LRPPRC: variants seen among roughly 807,000 people sequenced by gnomAD.
LRPPRC encodes leucine rich pentatricopeptide repeat containing, also known as leucine-rich PPR motif-containing protein, mitochondrial.
LRPPRC carries 120 observed loss-of-function variants against 180.3 expected under a neutral mutation model. That is an observed-to-expected ratio of 0.67 (90% CI 0.57 to 0.77). LRPPRC has a LOEUF of 0.77. Ranked by LOEUF, LRPPRC falls within the 30% of genes least tolerant of loss-of-function variation. The pLI is 0.00. For missense variants in LRPPRC, 2,012 were observed against 1,657.2 expected, an observed-to-expected ratio of 1.21 and a Z score of -3.72; for synonymous variants, 723 against 600.0, an observed-to-expected ratio of 1.21 and a Z score of -3.00.
intron 11 of LRPPRC, among the ~76,000 whole-genome samples, chr2:43,969,756 AC>A (rs1422611703): frequency 3.9e-5 from 6 of 152,128 alleles, no homozygotes; most frequent in South Asian, 4.1e-4. Flanking sequence ...TGCAGTGGCT[AC>A]GATCAAGGCT....
Position 43,894,525 on chromosome 2 carries a change from TCAAA to T in LRPPRC, c.3985+16_3985+19del. On this transcript the variant is annotated intron_variant, in intron 36 of 37. Coordinates refer to ENST00000260665, the MANE Select transcript of LRPPRC (RefSeq NM_133259.4). ...AAAGCCATTTAAATAAATAATATAG[TCAAA>T]TTAAACTTATATTACCATAGCTTTT... 1 of 1,139,210 alleles carries T rather than the reference TCAAA, an allele frequency of 8.8e-7. No homozygotes were observed. The highest frequency in any genetic ancestry group is 1.7e-5 in the Admixed American group (1 of 59,176). The allele number at this position is 1,139,210 out of a possible 1,614,324, so 70.6% of individuals were successfully genotyped here.
At chr2:43,959,182 C>T (rs1418357192) in intron 13 of LRPPRC, 1 of 716,018 alleles carries the variant, frequency 1.4e-6, no homozygotes, top group Non-Finnish European at 2.6e-6. Context: ...GATTCCTCTG[C>T]TAATGCTTCT....
intron 12 of LRPPRC, among the ~76,000 whole-genome samples, chr2:43,961,686 C>T (rs966986638): frequency 2.6e-5 from 4 of 152,172 alleles, no homozygotes; most frequent in African/African-American, 4.8e-5. Flanking sequence ...TCAGGTAGGG[C>T]GCAGTGGCTC....
chr2:43,944,148 G>T (rs1558983670), intron 22 of LRPPRC, among the ~76,000 whole-genome samples: 1 of 152,072 alleles, frequency 6.6e-6, no homozygotes, highest in Non-Finnish European at 1.5e-5. Context: ...ACATAACCCT[G>T]TATGGTCTGC....
intron 1 of LRPPRC, among the ~76,000 whole-genome samples, chr2:43,986,379 C>T (rs1674526952): frequency 6.6e-6 from 1 of 152,176 alleles, no homozygotes; most frequent in South Asian, 2.1e-4. Flanking sequence ...ATCCGCCCAC[C>T]TTGGCCTCCC....
chr2:43,920,142 T>C (rs930797757), intron 27 of LRPPRC, among the ~76,000 whole-genome samples: 1 of 147,630 alleles, frequency 6.8e-6, no homozygotes, highest in Non-Finnish European at 1.5e-5. Flanking sequence ...TTGCAGCCTA[T>C]ATATTTTTTT....
In LRPPRC at chr2:43,975,228, A is replaced by T; in HGVS notation, c.738-11T>A. ...GCATTCTCCATATCACTACAAGTTA[A>T]TTCAAAAAACAGATTATTATGCTTT... On this transcript the variant is annotated splice_polypyrimidine_tract_variant and intron_variant, in intron 6 of 37. Coordinates refer to ENST00000260665, the MANE Select transcript of LRPPRC (RefSeq NM_133259.4). 1 of 1,611,008 alleles carries T rather than the reference A, an allele frequency of 6.2e-7. No homozygotes were observed. The highest frequency in any genetic ancestry group is 2.2e-5 in the East Asian group (1 of 44,802).
chr2:43,930,288 C>A (rs773364924), intron 25 of LRPPRC, among the ~76,000 whole-genome samples: 1 of 151,770 alleles, frequency 6.6e-6, no homozygotes, highest in Admixed American at 6.6e-5. Context: ...AAGTTATTTT[C>A]GACAGTTCAG....
intron 30 of LRPPRC, among the ~76,000 whole-genome samples, chr2:43,908,341 G>C (rs1239447376): frequency 6.6e-6 from 1 of 152,096 alleles, no homozygotes; most frequent in Non-Finnish European, 1.5e-5. Context: ...AACTAAAAAT[G>C]AAAGAAAGAT....
chr2:43,909,353 C>A (rs920347178), intron 30 of LRPPRC, among the ~76,000 whole-genome samples: 1 of 108,030 alleles, frequency 9.3e-6, no homozygotes, highest in Non-Finnish European at 2.1e-5. Flanking sequence ...TCCCAAATAA[C>A]CCTGGTGGAT....
rs570087232 is a variant in LRPPRC at position 43,945,408 on chromosome 2, T to C, written c.2220A>G (p.Leu740=). Reference sequence around the variant, plus strand: ...CGGTGTCAAGGACAGCAGATGAATCTAAGCGGTCACTAAAAATTAAAGCCA... The same window carrying C: ...CGGTGTCAAGGACAGCAGATGAATCCAAGCGGTCACTAAAAATTAAAGCCA... ...ALNLKEEFDR[L]DSSAVLDTGK... is the part of the protein sequence containing the mutation. The change falls in exon 22 of 38, where the codon TTA becomes TTG. Residue 740 remains leucine, a synonymous_variant. Transcript: ENST00000260665. The C allele has an allele frequency of 5.0e-6, 8 of 1,608,138 alleles. No homozygotes were observed. In the Admixed American group the frequency reaches 1.0e-4, roughly 20 times the overall value.
chr2:43,910,885 A>C (rs1051599566), intron 30 of LRPPRC, among the ~76,000 whole-genome samples: 1 of 152,126 alleles, frequency 6.6e-6, no homozygotes, highest in African/African-American at 2.4e-5. Context: ...TTTGTGACCA[A>C]ACTCAAAATC....
chr2:43,946,362 T>C (rs1459096217), intron 20 of LRPPRC, 119 bp from the exon 21 acceptor site: 3 of 761,134 alleles, frequency 3.9e-6, no homozygotes, highest in Non-Finnish European at 6.8e-6. Flanking sequence ...ATAAATGGTT[T>C]CATGTTAACA....
intron 2 of LRPPRC, among the ~76,000 whole-genome samples, chr2:43,981,835 T>C (rs1674321385): frequency 6.6e-6 from 1 of 152,166 alleles, no homozygotes; most frequent in Admixed American, 6.5e-5. Context: ...TTTAGGTTGA[T>C]GCAAAAGTAA....
chr2:43,905,682 T>C lies in LRPPRC; in HGVS notation c.3364+10A>G. On this transcript the variant is annotated intron_variant, in intron 31 of 37. Coordinates refer to ENST00000260665, the MANE Select transcript of LRPPRC (RefSeq NM_133259.4). Reference sequence around the variant, plus strand: ...TTAATGTGACGTAAAGGTCAAGCATTGTGACATACCTTTCAAATAATCCCG... The same window carrying C: ...TTAATGTGACGTAAAGGTCAAGCATCGTGACATACCTTTCAAATAATCCCG... 6.3e-7 allele frequency: 1 copy of C among 1,598,348 alleles called. No individual in the cohort carries two copies. The highest frequency in any genetic ancestry group is 8.6e-7 in the Non-Finnish European group (1 of 1,165,534).
At chr2:43,934,099 A>T in intron 25 of LRPPRC, 91 bp downstream of exon 25, 3 of 748,894 alleles carry the variant, frequency 4.0e-6, no homozygotes, top group Non-Finnish European at 7.2e-6. Context: ...ATGAATCAGA[A>T]CAAGTGTAAT....
In LRPPRC at chr2:43,899,165, A is replaced by G. The variant is rs545063558; in HGVS notation, c.3825+54T>C. On this transcript the variant is annotated intron_variant, in intron 34 of 37. Coordinates refer to ENST00000260665, the MANE Select transcript of LRPPRC (RefSeq NM_133259.4). ...CACGCCTATGTCTAGTAATTTCTCA[A>G]TTTACTTCTTGCAAGCCTCGAGCCC... The G allele has an allele frequency of 5.1e-5, 64 of 1,246,206 alleles. No homozygotes were observed. In the East Asian group the frequency reaches 7.9e-4, roughly 15 times the overall value. The allele number at this position is 1,246,206 out of a possible 1,614,324, so 77.2% of individuals were successfully genotyped here.
chr2:43,963,565 A>C (rs1190653712), intron 12 of LRPPRC, 23 bp downstream of exon 12: 7 of 1,357,576 alleles, frequency 5.2e-6, no homozygotes, highest in Non-Finnish European at 7.4e-6. Flanking sequence ...CAATTATTAA[A>C]TTAAAACCAC....
At chr2:43,945,293 T>G in intron 22 of LRPPRC, 39 bp downstream of exon 22, 1 of 1,299,616 alleles carries the variant, frequency 7.7e-7, no homozygotes, top group Non-Finnish European at 1.1e-6. Context: ...AGTGGCAAGA[T>G]ACTTGCATCA....
Sources: gnomAD v4.1 joint callset for allele counts (sites outside exome capture counted in the v4.1 genomes callset) on GRCh38, gnomAD v4.1.1 for gene constraint, MANE v1.5 for transcripts, NCBI Gene and HGNC (gene_info 2026-07-23, HGNC 2026-07-21) for gene names.